The following NOL10 variants were observed in gnomAD, a reference collection of about 807,000 sequenced individuals.
NOL10 encodes H_NH0074G24.1.
In NOL10, 58 loss-of-function variants were observed where a neutral mutation model predicts 103.5. The observed-to-expected ratio is 0.56, with a 90% confidence interval of 0.45 to 0.70. NOL10 has a LOEUF of 0.70. NOL10 is among the 30% of genes least tolerant of loss of function. NOL10 has a pLI of 0.00. For missense variants in NOL10, 763 were observed against 807.3 expected (o/e 0.95, Z 0.67); for synonymous variants, 287 against 282.5 (o/e 1.02, Z -0.16).
intron 12 of NOL10, among the ~76,000 whole-genome samples, chr2:10,647,792 C>T (rs766491075): frequency 1.5e-4 from 23 of 152,194 alleles, no homozygotes; most frequent in Non-Finnish European, 2.8e-4. Context: ...AAGGCACTGA[C>T]GGAATAAAAG....
chr2:10,686,105 A>C (rs1390277531), intron 1 of NOL10, among the ~76,000 whole-genome samples: 1 of 152,184 alleles, frequency 6.6e-6, no homozygotes, highest in Non-Finnish European at 1.5e-5. Flanking sequence ...CCTTTCATGA[A>C]GCTTTCTTTC....
chr2:10,668,802 A>T, intron 6 of NOL10, 79 bp from the exon 7 acceptor site: 1 of 521,072 alleles, frequency 1.9e-6, no homozygotes, highest in Non-Finnish European at 3.2e-6. Flanking sequence ...ATAAATATAT[A>T]TATTACTCAT....
At chr2:10,674,423 CCCTCGTATAACCCCCTTCCCTTGAGAG>C (rs1681154681) in intron 4 of NOL10, among the ~76,000 whole-genome samples, 1 of 152,144 alleles carries the variant, frequency 6.6e-6, no homozygotes, top group Non-Finnish European at 1.5e-5. Context: ...GTGACCTTTA[CCCTCGTATAACCCCCTTCCCTTGAGAG>C]TGTGGGTAGA....
intron 17 of NOL10, among the ~76,000 whole-genome samples, chr2:10,596,023 A>T (rs1466501108): frequency 6.6e-6 from 1 of 152,162 alleles, no homozygotes; most frequent in African/African-American, 2.4e-5. Flanking sequence ...AATATTTTGG[A>T]TGTTAAAACT....
chr2:10,608,774 T>G (rs1312832614), intron 13 of NOL10, among the ~76,000 whole-genome samples: 1 of 152,156 alleles, frequency 6.6e-6, no homozygotes, highest in Non-Finnish European at 1.5e-5. Flanking sequence ...TTTAGTGACA[T>G]TATTTTGCCG....
intron 10 of NOL10, among the ~76,000 whole-genome samples, chr2:10,658,242 A>G (rs546535139): frequency 6.6e-6 from 1 of 152,222 alleles, no homozygotes; most frequent in Non-Finnish European, 1.5e-5. Flanking sequence ...AAAATGAAAG[A>G]CATAATCAGG....
At chr2:10,633,596 G>T (rs1677985512) in intron 13 of NOL10, among the ~76,000 whole-genome samples, 1 of 151,784 alleles carries the variant, frequency 6.6e-6, no homozygotes, top group Admixed American at 6.6e-5. Flanking sequence ...ACTATTTGGT[G>T]ATCTTTGTAA....
At chr2:10,680,918 T>C (rs553577448) in intron 3 of NOL10, among the ~76,000 whole-genome samples, 86 of 152,356 alleles carry the variant, frequency 5.6e-4, no homozygotes, top group Non-Finnish European at 6.0e-4. Context: ...ATACTGTTAA[T>C]GTAAAATCTT....
chr2:10,680,718 C>T (rs1362870276), intron 3 of NOL10, among the ~76,000 whole-genome samples: 2 of 152,052 alleles, frequency 1.3e-5, no homozygotes, highest in African/African-American at 4.8e-5. Context: ...AGAGACTGGC[C>T]TGTGTATGTA....
intron 2 of NOL10, among the ~76,000 whole-genome samples, chr2:10,682,870 C>CACCT (rs1305464129): frequency 1.3e-5 from 2 of 152,146 alleles, no homozygotes; most frequent in Non-Finnish European, 2.9e-5. Context: ...CAGCAACCTC[C>CACCT]ACCTCCCAGG....
At chr2:10,670,112 AG>A in intron 6 of NOL10, among the ~76,000 whole-genome samples, 2 of 152,258 alleles carry the variant, frequency 1.3e-5, no homozygotes, top group Non-Finnish European at 2.9e-5. Context: ...ACTGTGCAAT[AG>A]GGCTAAGAAA....
intron 13 of NOL10, among the ~76,000 whole-genome samples, chr2:10,620,819 A>C (rs1677101689): frequency 6.6e-6 from 1 of 152,142 alleles, no homozygotes; most frequent in African/African-American, 2.4e-5. Context: ...TTTTTGAGAT[A>C]GAGTTTTGCT....
intron 13 of NOL10, among the ~76,000 whole-genome samples, chr2:10,620,945 A>G (rs1677107611): frequency 6.6e-6 from 1 of 152,104 alleles, no homozygotes; most frequent in African/African-American, 2.4e-5. Context: ...AAAGGTATGC[A>G]CAATAATGCC....
At position 10,601,053 on chromosome 2, in the gene NOL10, ACT is replaced by A. The variant is rs1675948860; in HGVS notation, c.1333-113_1333-112del. The A allele has an allele frequency of 4.7e-6, 3 of 632,426 alleles. No homozygotes were observed. The Admixed American group carries it at 1.0e-4, about 21-fold the overall frequency. The allele number at this position is 632,426 out of a possible 1,614,324, so 39.2% of individuals were successfully genotyped here. ...AGTATAATTTCATAAATAGGAGATA[ACT>A]AATTCTTATTTTATTATTTTTTTTT... On this transcript the variant is annotated intron_variant, in intron 16 of 20. Transcript: ENST00000381685.
chr2:10,600,950 G>C lies in NOL10; in HGVS notation c.1333-8C>G. 2.0e-6 allele frequency: 3 copies of C among 1,476,208 alleles called. No homozygotes were observed. The highest frequency in any genetic ancestry group is 3.5e-4 in the Middle Eastern group (2 of 5,794). 91.4% of individuals were successfully genotyped at this position (1,476,208 alleles called of 1,614,324 possible). On this transcript the variant is annotated splice_region_variant and splice_polypyrimidine_tract_variant and intron_variant, in intron 16 of 20. Transcript: ENST00000381685. ...GTTAACTTTTGGCAATTTCTAGAGA[G>C]AAAATAAAAGCTGGTATTTTATTTT...
chr2:10,618,359 C>T (rs983087923), intron 13 of NOL10, among the ~76,000 whole-genome samples: 1 of 152,162 alleles, frequency 6.6e-6, no homozygotes, highest in African/African-American at 2.4e-5. Flanking sequence ...CAGGCCAGAG[C>T]TCTTAGAAAG....
chr2:10,644,219 G>T, intron 13 of NOL10, 101 bp downstream of exon 13: 2 of 832,278 alleles, frequency 2.4e-6, no homozygotes, highest in Non-Finnish European at 3.6e-6. Context: ...CTGCACCCCA[G>T]CATCGGTGAT....
intron 13 of NOL10, among the ~76,000 whole-genome samples, chr2:10,615,133 T>A (rs1057447527): frequency 3.3e-5 from 5 of 152,232 alleles, no homozygotes; most frequent in African/African-American, 1.2e-4. Flanking sequence ...ATATCCAAGT[T>A]TACATGCATT....
intron 7 of NOL10, among the ~76,000 whole-genome samples, chr2:10,667,882 TAG>T (rs1159964734): frequency 1.2e-4 from 18 of 152,254 alleles, no homozygotes; most frequent in Non-Finnish European, 5.9e-5. Context: ...AAAAAAAAAT[TAG>T]AGTTTATTTG....
Sources: allele counts gnomAD v4.1 joint callset (sites outside exome capture counted in the v4.1 genomes callset), GRCh38; gene constraint gnomAD v4.1.1; transcripts MANE v1.5; gene names NCBI Gene and HGNC (gene_info 2026-07-23, HGNC 2026-07-21).